The following CTNNA2 variants were observed in gnomAD, a reference collection of about 807,000 sequenced individuals.
CTNNA2 encodes the protein catenin alpha 2.
Under a neutral mutation model 101.0 loss-of-function variants are expected in CTNNA2, and 42 were observed. The ratio of observed to expected loss-of-function variants is 0.42; its 90% CI spans 0.32 to 0.54. CTNNA2 has a LOEUF of 0.54. Among genes scored for constraint, CTNNA2 ranks in the 20% least tolerant of loss-of-function variants. CTNNA2 has a pLI of 0.14. For synonymous variants in CTNNA2, 450 were observed against 456.4 expected, an observed-to-expected ratio of 0.99 and a Z score of 0.18; for missense variants, 871 against 1,223.1, an observed-to-expected ratio of 0.71 and a Z score of 4.29.
chr2:79,992,405 G>A (rs952664174), intron 7 of CTNNA2, among the ~76,000 whole-genome samples: 2 of 152,216 alleles, frequency 1.3e-5, no homozygotes, highest in Non-Finnish European at 2.9e-5. Flanking sequence ...ACCAAAATGT[G>A]TGAGGAATGA....
chr2:79,666,618 C>G (rs976895188), intron 2 of CTNNA2, among the ~76,000 whole-genome samples: 1 of 152,126 alleles, frequency 6.6e-6, no homozygotes, highest in Non-Finnish European at 1.5e-5. Context: ...ACGGATGGTG[C>G]TTGATAAGTG....
At chr2:80,441,308 G>C (rs769521130) in intron 9 of CTNNA2, among the ~76,000 whole-genome samples, 1 of 152,160 alleles carries the variant, frequency 6.6e-6, no homozygotes, top group Non-Finnish European at 1.5e-5. Flanking sequence ...TCCTTTTGCT[G>C]TTCAGACTGG....
intron 1 of CTNNA2, among the ~76,000 whole-genome samples, chr2:79,564,784 G>A (rs11903525): frequency 0.016 from 2,416 of 152,194 alleles, 77 homozygotes; most frequent in African/African-American, 0.056. Context: ...AAGTTATGCC[G>A]TATCCTGAAG....
intron 8 of CTNNA2, among the ~76,000 whole-genome samples, chr2:80,418,097 C>T (rs2149404287): frequency 6.6e-6 from 1 of 152,270 alleles, no homozygotes. Flanking sequence ...ATCTTTTCCT[C>T]CATTGTGGGC....
chr2:79,458,371 A>G (rs1009752003), intron 4 of CTNNA2, among the ~76,000 whole-genome samples: 3 of 152,180 alleles, frequency 2.0e-5, no homozygotes, highest in African/African-American at 7.2e-5. Flanking sequence ...ATGTTGCTCT[A>G]TAAGATCAAC....
intron 4 of CTNNA2, among the ~76,000 whole-genome samples, chr2:79,485,370 G>A (rs1039536457): frequency 2.6e-5 from 4 of 152,152 alleles, no homozygotes; most frequent in African/African-American, 9.7e-5. Flanking sequence ...ACTTTAAAGT[G>A]TTGCTACTCA....
intron 6 of CTNNA2, among the ~76,000 whole-genome samples, chr2:79,897,414 G>A (rs1540441): frequency 0.25 from 37,956 of 151,656 alleles, 4,986 homozygotes; most frequent in Admixed American, 0.3. Context: ...AATATGGACT[G>A]ACCATGGAAA....
intron 18 of CTNNA2, among the ~76,000 whole-genome samples, chr2:80,639,461 C>T (rs1317670921): frequency 1.3e-5 from 2 of 151,732 alleles, no homozygotes; most frequent in African/African-American, 4.8e-5. Flanking sequence ...CCGCCCACCT[C>T]GGCCTCCTAA....
At chr2:79,350,711 A>C (rs753792616) in intron 3 of CTNNA2, among the ~76,000 whole-genome samples, 2 of 152,188 alleles carry the variant, frequency 1.3e-5, no homozygotes, top group Non-Finnish European at 2.9e-5. Context: ...AGAAATCTCC[A>C]TACTGTTTTC....
At chr2:80,606,464 A>C (rs1037049575) in intron 16 of CTNNA2, among the ~76,000 whole-genome samples, 2 of 151,362 alleles carry the variant, frequency 1.3e-5, no homozygotes, top group African/African-American at 4.8e-5. Flanking sequence ...TTTAAATGCT[A>C]CTATTTCACA....
At chr2:80,071,283 A>G (rs1177302827) in intron 7 of CTNNA2, among the ~76,000 whole-genome samples, 1 of 152,242 alleles carries the variant, frequency 6.6e-6, no homozygotes, top group Non-Finnish European at 1.5e-5. Flanking sequence ...AACAAGAAAG[A>G]AAGGAGAGAT....
At chr2:79,968,500 G>A (rs1409205555) in intron 7 of CTNNA2, among the ~76,000 whole-genome samples, 1 of 152,168 alleles carries the variant, frequency 6.6e-6, no homozygotes, top group East Asian at 1.9e-4. Flanking sequence ...GGTAGCAATA[G>A]TCTCCGTGGT....
intron 7 of CTNNA2, among the ~76,000 whole-genome samples, chr2:80,191,476 G>A (rs1446106): frequency 0.2 from 29,930 of 152,062 alleles, 4,121 homozygotes; most frequent in African/African-American, 0.39. Context: ...CTTCAATTTA[G>A]ATGAGCAAGT....
intron 7 of CTNNA2, among the ~76,000 whole-genome samples, chr2:80,282,554 A>G (rs1466966422): frequency 6.6e-6 from 1 of 152,146 alleles, no homozygotes; most frequent in African/African-American, 2.4e-5. Flanking sequence ...AATATCAACC[A>G]TGGGCAATCT....
At chr2:79,490,148 A>G (rs1325521851) in intron 4 of CTNNA2, among the ~76,000 whole-genome samples, 1 of 152,138 alleles carries the variant, frequency 6.6e-6, no homozygotes, top group African/African-American at 2.4e-5. Context: ...AGATTTCAAT[A>G]TTGCTCAAGC....
chr2:80,630,326 A>G (rs1313267417), intron 18 of CTNNA2, among the ~76,000 whole-genome samples: 3 of 152,192 alleles, frequency 2.0e-5, no homozygotes, highest in Admixed American at 6.6e-5. Flanking sequence ...ATGTCATTAC[A>G]TATTTACCTA....
At chr2:79,200,230 A>G (rs1674017032) in intron 2 of CTNNA2, among the ~76,000 whole-genome samples, 1 of 152,158 alleles carries the variant, frequency 6.6e-6, no homozygotes, top group Admixed American at 6.5e-5. Context: ...CTAAAAATAC[A>G]AAAGTCAGCA....
At chr2:79,259,539 C>G (rs1477612709) in intron 2 of CTNNA2, among the ~76,000 whole-genome samples, 1 of 152,148 alleles carries the variant, frequency 6.6e-6, no homozygotes, top group Non-Finnish European at 1.5e-5. Context: ...CACTAACTTC[C>G]AAGGCACACA....
chr2:79,725,640 A>G (rs1471079461), intron 2 of CTNNA2, among the ~76,000 whole-genome samples: 4 of 152,240 alleles, frequency 2.6e-5, no homozygotes, highest in Non-Finnish European at 4.4e-5. Flanking sequence ...TGTCCTTACT[A>G]TAAAAGACTG....
Sources: gnomAD v4.1 joint callset for allele counts (sites outside exome capture counted in the v4.1 genomes callset) on GRCh38, gnomAD v4.1.1 for gene constraint, MANE v1.5 for transcripts, NCBI Gene and HGNC (gene_info 2026-07-23, HGNC 2026-07-21) for gene names.